UBE2E2: variants seen among roughly 807,000 people sequenced by gnomAD.
UBE2E2 encodes ubiquitin-conjugating enzyme E2 E2.
A neutral mutation model predicts 24.7 loss-of-function variants in UBE2E2; 6 were observed. The observed-to-expected ratio is 0.24, with a 90% CI of 0.13 to 0.48. The LOEUF (loss-of-function observed/expected upper bound fraction) is 0.48, where lower values mean the gene tolerates loss of function less well. Ranked by LOEUF, UBE2E2 falls within the 20% of genes least tolerant of loss-of-function variation. The pLI, the probability that UBE2E2 is intolerant of heterozygous loss-of-function variation, is 0.99. For synonymous variants in UBE2E2, 104 were observed against 83.6 expected (o/e 1.24, Z -1.33); for missense variants, 169 against 245.0 (o/e 0.69, Z 2.07).
At chr3:23,400,626 AC>A (rs1697200043) in intron 3 of UBE2E2, among the ~76,000 whole-genome samples, 2 of 151,798 alleles carry the variant, frequency 1.3e-5, no homozygotes, top group African/African-American at 4.9e-5. Flanking sequence ...ACACACACAC[AC>A]ACACACACAC....
chr3:23,537,185 C>T (rs1418686425), intron 5 of UBE2E2, among the ~76,000 whole-genome samples: 1 of 152,186 alleles, frequency 6.6e-6, no homozygotes, highest in Non-Finnish European at 1.5e-5. Flanking sequence ...ATTCCCCTGT[C>T]GTCTGCCTTC....
At chr3:23,423,271 T>G (rs1432525015) in intron 3 of UBE2E2, among the ~76,000 whole-genome samples, 2 of 152,228 alleles carry the variant, frequency 1.3e-5, no homozygotes, top group African/African-American at 4.8e-5. Flanking sequence ...GTTCTAACTT[T>G]GCAGCTGTCT....
intron 4 of UBE2E2, among the ~76,000 whole-genome samples, chr3:23,520,034 T>G (rs748334961): frequency 3.2e-4 from 48 of 152,336 alleles, no homozygotes; most frequent in Non-Finnish European, 5.9e-4. Flanking sequence ...GTTGAATCCC[T>G]GTGTCATTAG....
At chr3:23,417,598 C>G (rs1287297976) in intron 3 of UBE2E2, among the ~76,000 whole-genome samples, 1 of 152,206 alleles carries the variant, frequency 6.6e-6, no homozygotes, top group Non-Finnish European at 1.5e-5. Flanking sequence ...GGGAGATCCA[C>G]TGCTCTCTGC....
intron 3 of UBE2E2, among the ~76,000 whole-genome samples, chr3:23,369,324 T>C (rs1390287207): frequency 2.0e-5 from 3 of 152,188 alleles, no homozygotes; most frequent in African/African-American, 7.2e-5. Context: ...TATTGCTTTA[T>C]TGTCATTTTT....
At chr3:23,279,590 A>G (rs984957900) in intron 3 of UBE2E2, among the ~76,000 whole-genome samples, 1 of 152,180 alleles carries the variant, frequency 6.6e-6, no homozygotes, top group African/African-American at 2.4e-5. Context: ...ATAAGGGACA[A>G]AGATGTTTTA....
At chr3:23,531,464 C>T (rs1290138005) in intron 4 of UBE2E2, among the ~76,000 whole-genome samples, 2 of 152,052 alleles carry the variant, frequency 1.3e-5, no homozygotes, top group African/African-American at 4.8e-5. Flanking sequence ...TAATTATTTT[C>T]GTAGTTATAA....
intron 3 of UBE2E2, among the ~76,000 whole-genome samples, chr3:23,297,924 G>T (rs1210100892): frequency 6.6e-6 from 1 of 152,002 alleles, no homozygotes; most frequent in African/African-American, 2.4e-5. Context: ...CATGAGTATG[G>T]AATGTTCTTC....
chr3:23,371,091 A>T (rs1243094235), intron 3 of UBE2E2, among the ~76,000 whole-genome samples: 1 of 152,168 alleles, frequency 6.6e-6, no homozygotes. Flanking sequence ...GTGCAGTGAC[A>T]CAATCATGGC....
At chr3:23,555,127 G>T (rs142622544) in intron 5 of UBE2E2, among the ~76,000 whole-genome samples, 3 of 152,188 alleles carry the variant, frequency 2.0e-5, no homozygotes, top group African/African-American at 7.2e-5. Flanking sequence ...ATGTTGGCCA[G>T]TCTGGTCTTG....
At chr3:23,284,774 A>G (rs912040792) in intron 3 of UBE2E2, among the ~76,000 whole-genome samples, 2 of 151,772 alleles carry the variant, frequency 1.3e-5, no homozygotes, top group African/African-American at 4.8e-5. Flanking sequence ...TAATAATCAC[A>G]TCAGAGTAAA....
At chr3:23,546,630 C>T (rs1296968191) in intron 5 of UBE2E2, among the ~76,000 whole-genome samples, 2 of 151,532 alleles carry the variant, frequency 1.3e-5, no homozygotes, top group East Asian at 1.9e-4. Flanking sequence ...TGCACCACCA[C>T]GCCTGGCTAA....
chr3:23,400,662 A>G (rs1174139774), intron 3 of UBE2E2, among the ~76,000 whole-genome samples: 3 of 149,754 alleles, frequency 2.0e-5, no homozygotes, highest in Non-Finnish European at 3.0e-5. Flanking sequence ...TTTCAGTACT[A>G]TAATTAAGTA....
chr3:23,450,674 G>A (rs1031119725), intron 3 of UBE2E2, among the ~76,000 whole-genome samples: 9 of 152,002 alleles, frequency 5.9e-5, no homozygotes, highest in African/African-American at 2.2e-4. Context: ...AAATTATGAA[G>A]TATCTATTTA....
chr3:23,493,694 A>AGTG (rs1699545577), intron 3 of UBE2E2, among the ~76,000 whole-genome samples: 1 of 152,204 alleles, frequency 6.6e-6, no homozygotes, highest in East Asian at 1.9e-4. Context: ...GAGTGGCAGC[A>AGTG]GTGGATATAC....
intron 3 of UBE2E2, among the ~76,000 whole-genome samples, chr3:23,350,314 T>C (rs902585115): frequency 9.9e-5 from 15 of 152,192 alleles, no homozygotes; most frequent in African/African-American, 3.6e-4. Flanking sequence ...CTGGAAACCC[T>C]AAAAAGCAGA....
At chr3:23,369,880 A>T (rs1380591948) in intron 3 of UBE2E2, among the ~76,000 whole-genome samples, 1 of 152,118 alleles carries the variant, frequency 6.6e-6, no homozygotes, top group Non-Finnish European at 1.5e-5. Flanking sequence ...GTATCTCTAA[A>T]CCTAAAACAA....
chr3:23,369,634 A>G (rs532880285), intron 3 of UBE2E2, among the ~76,000 whole-genome samples: 1 of 152,272 alleles, frequency 6.6e-6, no homozygotes, highest in African/African-American at 2.4e-5. Context: ...GAATATGGGA[A>G]TTGCCCATAT....
intron 5 of UBE2E2, among the ~76,000 whole-genome samples, chr3:23,584,750 T>G (rs1451081424): frequency 6.8e-6 from 1 of 147,854 alleles, no homozygotes; most frequent in Non-Finnish European, 1.5e-5. Context: ...TTTTTTTTTT[T>G]TGTAGAGATG....
Sources: gnomAD v4.1 joint callset for allele counts (sites outside exome capture counted in the v4.1 genomes callset) on GRCh38, gnomAD v4.1.1 for gene constraint, MANE v1.5 for transcripts, NCBI Gene and HGNC (gene_info 2026-07-23, HGNC 2026-07-21) for gene names.